The following PLXDC2 variants were observed in gnomAD, a reference collection of about 807,000 sequenced individuals.
PLXDC2 encodes the protein plexin domain-containing protein 2.
Under a neutral mutation model 68.9 loss-of-function variants are expected in PLXDC2, and 40 were observed. The observed-to-expected ratio is 0.58, with a 90% CI of 0.45 to 0.76. The LOEUF (loss-of-function observed/expected upper bound fraction) is 0.76, where lower values mean the gene tolerates loss of function less well. Ranked by LOEUF, PLXDC2 falls within the 30% of genes least tolerant of loss-of-function variation. PLXDC2 has a pLI of 0.00. For missense variants in PLXDC2, 644 were observed against 661.9 expected, an observed-to-expected ratio of 0.97 and a Z score of 0.30; for synonymous variants, 243 against 234.2, an observed-to-expected ratio of 1.04 and a Z score of -0.34.
At chr10:20,199,834 G>A (rs1834892631) in intron 9 of PLXDC2, among the ~76,000 whole-genome samples, 1 of 151,854 alleles carries the variant, frequency 6.6e-6, no homozygotes, top group Non-Finnish European at 1.5e-5. Flanking sequence ...AAGGATGGAG[G>A]ATTTAAACTC....
At chr10:19,986,657 A>C (rs1834647063) in intron 1 of PLXDC2, among the ~76,000 whole-genome samples, 1 of 152,154 alleles carries the variant, frequency 6.6e-6, no homozygotes, top group Non-Finnish European at 1.5e-5. Context: ...ACTCCAGAGC[A>C]GTGTTTTGGG....
At chr10:20,085,405 T>C (rs948310621) in intron 4 of PLXDC2, among the ~76,000 whole-genome samples, 1 of 151,946 alleles carries the variant, frequency 6.6e-6, no homozygotes, top group Admixed American at 6.6e-5. Context: ...GGAATTTCCG[T>C]GCGGGAGGTG....
At chr10:20,039,342 G>T (rs142749220) in intron 2 of PLXDC2, among the ~76,000 whole-genome samples, 1 of 152,196 alleles carries the variant, frequency 6.6e-6, no homozygotes, top group Non-Finnish European at 1.5e-5. Flanking sequence ...TTATTTTACG[G>T]CATTTCTTTT....
intron 9 of PLXDC2, among the ~76,000 whole-genome samples, chr10:20,201,305 A>G (rs1564351378): frequency 1.3e-5 from 2 of 152,044 alleles, no homozygotes; most frequent in Non-Finnish European, 1.5e-5. Context: ...ATTTAATGCT[A>G]CACATTCTCA....
intron 1 of PLXDC2, among the ~76,000 whole-genome samples, chr10:19,973,578 G>C (rs573291806): frequency 4.6e-5 from 7 of 152,100 alleles, no homozygotes; most frequent in South Asian, 4.2e-4. Context: ...AAATTGCTTT[G>C]GTAGACCCTA....
At chr10:19,878,128 G>C (rs1390464443) in intron 1 of PLXDC2, among the ~76,000 whole-genome samples, 2 of 151,920 alleles carry the variant, frequency 1.3e-5, no homozygotes, top group Admixed American at 1.3e-4. Context: ...ACAAATTATT[G>C]GCTATAACAT....
chr10:20,222,418 A>G (rs919863219), intron 12 of PLXDC2, among the ~76,000 whole-genome samples: 2 of 152,200 alleles, frequency 1.3e-5, no homozygotes, highest in Non-Finnish European at 2.9e-5. Flanking sequence ...ACAATCTGCT[A>G]AGTCACTCTT....
At chr10:19,901,506 C>T (rs1255909262) in intron 1 of PLXDC2, among the ~76,000 whole-genome samples, 1 of 152,054 alleles carries the variant, frequency 6.6e-6, no homozygotes, top group African/African-American at 2.4e-5. Flanking sequence ...TGTCCTTAGC[C>T]TACTTTTTGA....
intron 4 of PLXDC2, among the ~76,000 whole-genome samples, chr10:20,084,874 GC>G (rs1258849600): frequency 8.7e-6 from 1 of 115,396 alleles, no homozygotes; most frequent in African/African-American, 5.0e-5. Flanking sequence ...GAAGGCCGTG[GC>G]AGAGGAAAAA....
At chr10:20,217,606 T>TC in intron 11 of PLXDC2, 30 bp downstream of exon 11, 3 of 1,496,384 alleles carry the variant, frequency 2.0e-6, no homozygotes, top group Non-Finnish European at 1.8e-6. Flanking sequence ...CTTTTTTTTT[T>TC]TTTTTTTTTT....
At chr10:20,042,954 A>T (rs1419243238) in intron 2 of PLXDC2, among the ~76,000 whole-genome samples, 1 of 152,198 alleles carries the variant, frequency 6.6e-6, no homozygotes, top group Non-Finnish European at 1.5e-5. Flanking sequence ...TAGGCATATC[A>T]CAGTAGTGCT....
intron 4 of PLXDC2, among the ~76,000 whole-genome samples, chr10:20,076,531 A>T (rs1301518070): frequency 6.6e-6 from 1 of 152,182 alleles, no homozygotes; most frequent in Non-Finnish European, 1.5e-5. Flanking sequence ...CATAGATAGC[A>T]TATGCTAATA....
chr10:20,248,329 A>T (rs1389826167), intron 13 of PLXDC2, among the ~76,000 whole-genome samples: 1 of 152,180 alleles, frequency 6.6e-6, no homozygotes, highest in Non-Finnish European at 1.5e-5. Context: ...ACATGTGTAT[A>T]CGTACACATG....
chr10:20,223,252 T>A (rs1435941052), intron 12 of PLXDC2, among the ~76,000 whole-genome samples: 1 of 152,076 alleles, frequency 6.6e-6, no homozygotes, highest in Non-Finnish European at 1.5e-5. Context: ...CTATTTAGCC[T>A]TGATGCAAAT....
At chr10:19,865,995 C>T (rs895448199) in intron 1 of PLXDC2, among the ~76,000 whole-genome samples, 2 of 152,100 alleles carry the variant, frequency 1.3e-5, no homozygotes, top group African/African-American at 2.4e-5. Flanking sequence ...CACACTTTCC[C>T]CCCTCATTTA....
chr10:20,201,407 A>G (rs1362241574), intron 9 of PLXDC2, among the ~76,000 whole-genome samples: 2 of 152,072 alleles, frequency 1.3e-5, no homozygotes, highest in African/African-American at 4.8e-5. Flanking sequence ...AGTAGGTGAA[A>G]GAGGGAGAAA....
At chr10:20,277,232 AAAG>A (rs1228241393) in intron 13 of PLXDC2, among the ~76,000 whole-genome samples, 175 of 142,232 alleles carry the variant, frequency 1.2e-3, no homozygotes, top group Non-Finnish European at 1.8e-3. Flanking sequence ...AAAAAAAAAA[AAAG>A]AGTCCCATTC....
intron 1 of PLXDC2, among the ~76,000 whole-genome samples, chr10:19,914,573 C>T (rs1833333005): frequency 6.6e-6 from 1 of 152,090 alleles, no homozygotes; most frequent in Admixed American, 6.5e-5. Context: ...CTTTTTCAGG[C>T]CAAAGCATTT....
At chr10:20,114,369 A>G (rs569805306) in intron 4 of PLXDC2, among the ~76,000 whole-genome samples, 1 of 152,306 alleles carries the variant, frequency 6.6e-6, no homozygotes, top group African/African-American at 2.4e-5. Context: ...CTTTAAACAT[A>G]CTAAGCAGTC....
Sources: gnomAD v4.1 joint callset for allele counts (sites outside exome capture counted in the v4.1 genomes callset) on GRCh38, gnomAD v4.1.1 for gene constraint, MANE v1.5 for transcripts, NCBI Gene and HGNC (gene_info 2026-07-23, HGNC 2026-07-21) for gene names.